The following OPCML variants were observed in gnomAD, a reference collection of about 807,000 sequenced individuals.
OPCML encodes opioid binding protein/cell adhesion molecule like, also known as opioid-binding protein/cell adhesion molecule.
A neutral mutation model predicts 37.8 loss-of-function variants in OPCML; 13 were observed. The observed-to-expected ratio is 0.34, with a 90% confidence interval of 0.22 to 0.55. OPCML has a LOEUF of 0.55. Ranked by LOEUF, OPCML falls within the 20% of genes least tolerant of loss-of-function variation. The pLI, the probability that OPCML is intolerant of heterozygous loss-of-function variation, is 0.91. For synonymous variants in OPCML, 176 were observed against 168.8 expected, an observed-to-expected ratio of 1.04 and a Z score of -0.33; for missense variants, 341 against 435.6, an observed-to-expected ratio of 0.78 and a Z score of 1.93.
At chr11:133,373,463 A>ACACAC (rs1565599730) in intron 1 of OPCML, among the ~76,000 whole-genome samples, 1 of 145,808 alleles carries the variant, frequency 6.9e-6, no homozygotes, top group Non-Finnish European at 1.5e-5. Context: ...ACACACACAC[A>ACACAC]AAAATACAAA....
chr11:132,786,081 C>A (rs1947200559), intron 2 of OPCML, among the ~76,000 whole-genome samples: 1 of 152,158 alleles, frequency 6.6e-6, no homozygotes, highest in East Asian at 1.9e-4. Flanking sequence ...AGCATCTCAG[C>A]ACCCCGCTTT....
At chr11:132,900,104 C>A (rs890515307) in intron 2 of OPCML, among the ~76,000 whole-genome samples, 4 of 152,170 alleles carry the variant, frequency 2.6e-5, no homozygotes, top group African/African-American at 9.7e-5. Flanking sequence ...CTGAGTAATA[C>A]AGACCTGTAC....
intron 1 of OPCML, among the ~76,000 whole-genome samples, chr11:132,994,227 C>G (rs577075808): frequency 6.6e-6 from 1 of 152,274 alleles, no homozygotes; most frequent in African/African-American, 2.4e-5. Context: ...GCGCTCCTGC[C>G]AGGAGCCGGC....
intron 1 of OPCML, among the ~76,000 whole-genome samples, chr11:133,344,181 A>G (rs918244934): frequency 6.6e-6 from 1 of 152,134 alleles, no homozygotes; most frequent in Non-Finnish European, 1.5e-5. Context: ...CACTCACACA[A>G]TAGCAGCCCT....
At chr11:132,970,675 A>C (rs2336468) in intron 1 of OPCML, among the ~76,000 whole-genome samples, 61,130 of 151,928 alleles carry the variant, frequency 0.4, 12,730 homozygotes, top group East Asian at 0.62. Flanking sequence ...AGTCAAATGT[A>C]ACTCACTGTC....
At chr11:133,308,309 GT>G (rs139631180) in intron 1 of OPCML, among the ~76,000 whole-genome samples, 10 of 151,284 alleles carry the variant, frequency 6.6e-5, no homozygotes, top group South Asian at 6.3e-4. Flanking sequence ...TTGTACTTTA[GT>G]TTTTTTTTCC....
intron 1 of OPCML, among the ~76,000 whole-genome samples, chr11:133,465,458 G>A (rs1439770929): frequency 1.3e-5 from 2 of 152,174 alleles, no homozygotes; most frequent in Non-Finnish European, 2.9e-5. Flanking sequence ...CACTATGTGT[G>A]TAGATGAGTT....
chr11:133,365,012 TC>T (rs1169264838), intron 1 of OPCML, among the ~76,000 whole-genome samples: 1 of 151,158 alleles, frequency 6.6e-6, no homozygotes, highest in South Asian at 2.1e-4. Flanking sequence ...AACATGACTC[TC>T]CCCACTGCTG....
chr11:133,531,091 G>GA (rs1020934456), intron 1 of OPCML, among the ~76,000 whole-genome samples: 6 of 151,992 alleles, frequency 3.9e-5, no homozygotes, highest in African/African-American at 9.7e-5. Flanking sequence ...CAATTTGGGG[G>GA]AAAAAAAGAG....
chr11:132,782,979 A>T (rs973813891), intron 2 of OPCML, among the ~76,000 whole-genome samples: 2 of 140,662 alleles, frequency 1.4e-5, no homozygotes, highest in Non-Finnish European at 3.1e-5. Flanking sequence ...TATTTTCTTT[A>T]CTTTCAGAAA....
intron 1 of OPCML, among the ~76,000 whole-genome samples, chr11:133,245,886 A>G (rs1280778437): frequency 6.6e-6 from 1 of 152,130 alleles, no homozygotes; most frequent in Non-Finnish European, 1.5e-5. Context: ...CAAACACTGG[A>G]TGTTCTCATT....
intron 2 of OPCML, among the ~76,000 whole-genome samples, chr11:132,740,725 CAG>C (rs954237244): frequency 4.0e-4 from 61 of 152,188 alleles, no homozygotes; most frequent in Middle Eastern, 3.4e-3. Flanking sequence ...AAGAAATAAA[CAG>C]AGGCCATGAA....
At chr11:132,700,170 A>T (rs533600811) in intron 2 of OPCML, among the ~76,000 whole-genome samples, 28 of 151,850 alleles carry the variant, frequency 1.8e-4, no homozygotes, top group African/African-American at 4.3e-4. Flanking sequence ...TGATTTATAA[A>T]TTTTTTTATT....
intron 3 of OPCML, among the ~76,000 whole-genome samples, chr11:132,647,478 G>A (rs111924826): frequency 1.7e-4 from 26 of 152,264 alleles, no homozygotes; most frequent in African/African-American, 6.0e-4. Flanking sequence ...TTGACCAGAA[G>A]CCTTACTGAT....
At chr11:132,696,630 ATC>A (rs1943608893) in intron 2 of OPCML, among the ~76,000 whole-genome samples, 1 of 152,190 alleles carries the variant, frequency 6.6e-6, no homozygotes, top group East Asian at 1.9e-4. Context: ...AGCAGAGGAA[ATC>A]TCTCAGAACT....
At chr11:132,507,197 A>C (rs2137157406) in intron 4 of OPCML, among the ~76,000 whole-genome samples, 1 of 152,168 alleles carries the variant, frequency 6.6e-6, no homozygotes, top group South Asian at 2.1e-4. Flanking sequence ...ATACAAAAAT[A>C]AAGCAAAAAG....
chr11:132,774,028 A>G (rs1474132064), intron 2 of OPCML, among the ~76,000 whole-genome samples: 1 of 152,236 alleles, frequency 6.6e-6, no homozygotes, highest in African/African-American at 2.4e-5. Flanking sequence ...TTGACTTTCA[A>G]AAATTTCCTG....
At chr11:132,977,869 G>C (rs1315101760) in intron 1 of OPCML, among the ~76,000 whole-genome samples, 2 of 152,168 alleles carry the variant, frequency 1.3e-5, no homozygotes, top group Non-Finnish European at 2.9e-5. Flanking sequence ...TTTTTGCCCA[G>C]AAGGAGTTTA....
intron 1 of OPCML, among the ~76,000 whole-genome samples, chr11:133,482,121 C>T (rs1397676383): frequency 6.6e-6 from 1 of 152,160 alleles, no homozygotes; most frequent in Non-Finnish European, 1.5e-5. Flanking sequence ...GTCAGAAAAG[C>T]ACAGTAACTG....
Sources: allele counts gnomAD v4.1 joint callset (sites outside exome capture counted in the v4.1 genomes callset), GRCh38; gene constraint gnomAD v4.1.1; transcripts MANE v1.5; gene names NCBI Gene and HGNC (gene_info 2026-07-23, HGNC 2026-07-21).